Variants in AKAP6 observed in about 807,000 individuals in gnomAD.
The protein encoded by AKAP6 is A-kinase anchor protein 6.
A neutral mutation model predicts 188.5 loss-of-function variants in AKAP6; 58 were observed. That is an observed-to-expected ratio of 0.31 (90% CI 0.25 to 0.38). AKAP6 has a LOEUF of 0.38. AKAP6 is among the 10% of genes least tolerant of loss of function. The pLI, the probability that AKAP6 is intolerant of heterozygous loss-of-function variation, is 1.00. For synonymous variants in AKAP6, 989 were observed against 998.6 expected (o/e 0.99, Z 0.18); for missense variants, 2,710 against 2,740.0 (o/e 0.99, Z 0.24).
chr14:32,536,746 C>A (rs899849107), intron 3 of AKAP6, among the ~76,000 whole-genome samples: 1 of 152,016 alleles, frequency 6.6e-6, no homozygotes, highest in Non-Finnish European at 1.5e-5. Flanking sequence ...CATCTGAATT[C>A]GAGTGAACTG....
At chr14:32,510,414 G>GTATATATACGTATATATATGTGTGTA (rs1881147022) in intron 2 of AKAP6, among the ~76,000 whole-genome samples, 1 of 112,332 alleles carries the variant, frequency 8.9e-6, no homozygotes, top group African/African-American at 3.9e-5. Flanking sequence ...GTATATATAT[G>GTATATATACGTATATATATGTGTGTA]TATATATATA....
At chr14:32,781,279 G>A (rs191569734) in intron 12 of AKAP6, among the ~76,000 whole-genome samples, 2 of 149,544 alleles carry the variant, frequency 1.3e-5, no homozygotes, top group African/African-American at 4.9e-5. Context: ...TACCAATACT[G>A]AAAGAAGACT....
chr14:32,404,711 T>TATATATATATA (rs1555325855), intron 1 of AKAP6, among the ~76,000 whole-genome samples: 19 of 128,490 alleles, frequency 1.5e-4, no homozygotes, highest in Non-Finnish European at 2.2e-4. Flanking sequence ...TATATATATA[T>TATATATATATA]TAGTCAGAAT....
At chr14:32,621,187 T>C (rs1428425261) in intron 7 of AKAP6, among the ~76,000 whole-genome samples, 1 of 152,088 alleles carries the variant, frequency 6.6e-6, no homozygotes, top group Non-Finnish European at 1.5e-5. Context: ...AGCTCTCATC[T>C]GGTCTTTTTT....
chr14:32,519,046 T>C (rs1881677568), intron 2 of AKAP6, among the ~76,000 whole-genome samples: 1 of 151,880 alleles, frequency 6.6e-6, no homozygotes, highest in Non-Finnish European at 1.5e-5. Flanking sequence ...ATATTCAACA[T>C]CTTAAAGAAA....
intron 7 of AKAP6, among the ~76,000 whole-genome samples, chr14:32,672,954 G>A (rs372845358): frequency 1.3e-5 from 2 of 152,166 alleles, no homozygotes; most frequent in African/African-American, 4.8e-5. Context: ...AATAGCTTCC[G>A]CTGGCACTTC....
At chr14:32,390,195 G>GT (rs1235577000) in intron 1 of AKAP6, among the ~76,000 whole-genome samples, 1 of 152,046 alleles carries the variant, frequency 6.6e-6, no homozygotes, top group Non-Finnish European at 1.5e-5. Flanking sequence ...GTTTCCTGAA[G>GT]TTTTTGTTGT....
At chr14:32,547,642 C>A (rs955277252) in intron 4 of AKAP6, among the ~76,000 whole-genome samples, 3 of 152,056 alleles carry the variant, frequency 2.0e-5, no homozygotes, top group Admixed American at 2.0e-4. Context: ...ACAGACTTAT[C>A]AAAAATCTCA....
intron 9 of AKAP6, among the ~76,000 whole-genome samples, chr14:32,715,870 G>C (rs2030169494): frequency 6.6e-6 from 1 of 151,984 alleles, no homozygotes; most frequent in South Asian, 2.1e-4. Context: ...AAAGAGATGA[G>C]AAAAGTTATG....
chr14:32,647,394 A>T (rs1237076316), intron 7 of AKAP6, among the ~76,000 whole-genome samples: 2 of 152,108 alleles, frequency 1.3e-5, no homozygotes, highest in East Asian at 3.9e-4. Context: ...ACTGAGGTAC[A>T]TGACCATTTC....
At chr14:32,516,281 G>A (rs1322474997) in intron 2 of AKAP6, among the ~76,000 whole-genome samples, 2 of 152,312 alleles carry the variant, frequency 1.3e-5, no homozygotes, top group African/African-American at 4.8e-5. Context: ...TAATGATCAC[G>A]TGTTTTTGTC....
At chr14:32,340,399 G>T (rs1170116423) in intron 1 of AKAP6, among the ~76,000 whole-genome samples, 1 of 152,128 alleles carries the variant, frequency 6.6e-6, no homozygotes, top group African/African-American at 2.4e-5. Flanking sequence ...GCACTGGACT[G>T]GGAGTAAGGC....
At chr14:32,727,380 A>C (rs1268130424) in intron 9 of AKAP6, among the ~76,000 whole-genome samples, 1 of 152,214 alleles carries the variant, frequency 6.6e-6, no homozygotes, top group Non-Finnish European at 1.5e-5. Flanking sequence ...GACTGGAGAA[A>C]TAAGTTGCCA....
At chr14:32,507,742 CT>C (rs1566544920) in intron 2 of AKAP6, among the ~76,000 whole-genome samples, 1 of 152,150 alleles carries the variant, frequency 6.6e-6, no homozygotes, top group Admixed American at 6.5e-5. Flanking sequence ...GGAGACAGGG[CT>C]TAAATTGGAT....
intron 2 of AKAP6, among the ~76,000 whole-genome samples, chr14:32,498,880 A>G (rs1880461839): frequency 6.6e-6 from 1 of 152,122 alleles, no homozygotes; most frequent in Non-Finnish European, 1.5e-5. Context: ...TTTGTAATCT[A>G]TACTTTGTTC....
chr14:32,821,406 C>T lies in AKAP6; in HGVS notation c.3593C>T (p.Thr1198Ile), dbSNP rs1401521839. ...LQKKMGKESE[T>I]LNVIDPGLMD... is the part of the protein sequence containing the mutation. ...CTTTTTCTTTCTCTCACACAGGAGA[C>T]TTTGAATGTGATTGATCCTGGCTTG... The change falls in exon 13 of 14, where the codon ACT (threonine) becomes ATT (isoleucine). Residue 1198 changes from threonine (T) to isoleucine (I), a missense_variant. Physicochemically the swap from Thr to Ile is moderately conservative, Grantham distance 89. Transcript: ENST00000280979. 6.2e-7 allele frequency: 1 copy of T among 1,600,326 alleles called. No homozygotes were observed. The highest frequency in any genetic ancestry group is 8.5e-7 in the Non-Finnish European group (1 of 1,172,814).
chr14:32,773,661 TTC>T lies in AKAP6; in HGVS notation c.3373-11_3373-10del, dbSNP rs570206595. 5.7e-4 allele frequency: 916 copies of T among 1,608,564 alleles called. 1 individual carries two copies. Among genetic ancestry groups the T allele is most frequent in the Non-Finnish European group, 7.5e-4 (883 of 1,176,628 alleles). ...GCCCTATAAACACTCATAGATTGGTTTCTCTCTATGTTGCAGTCCCTCTGTCG... is the reference window on the plus strand; with the variant it reads ...GCCCTATAAACACTCATAGATTGGTTTCTCTATGTTGCAGTCCCTCTGTCG... On this transcript the variant is annotated splice_polypyrimidine_tract_variant and intron_variant, in intron 11 of 13. Transcript: ENST00000280979.
intron 4 of AKAP6, among the ~76,000 whole-genome samples, chr14:32,550,940 C>A (rs1172515456): frequency 6.6e-6 from 1 of 152,124 alleles, no homozygotes; most frequent in East Asian, 1.9e-4. Flanking sequence ...AGTCTATTTC[C>A]AATAGAGTAG....
intron 13 of AKAP6, among the ~76,000 whole-genome samples, chr14:32,827,861 A>G (rs750564710): frequency 6.6e-6 from 1 of 152,206 alleles, no homozygotes; most frequent in Non-Finnish European, 1.5e-5. Flanking sequence ...TTCAGGCTGG[A>G]TAAATCCCGT....
Sources: allele counts gnomAD v4.1 joint callset (sites outside exome capture counted in the v4.1 genomes callset), GRCh38; gene constraint gnomAD v4.1.1; transcripts MANE v1.5; gene names NCBI Gene and HGNC (gene_info 2026-07-23, HGNC 2026-07-21).